The following TGM7 variants were observed in gnomAD, a reference collection of about 807,000 sequenced individuals.
The protein encoded by TGM7 is protein-glutamine gamma-glutamyltransferase Z.
In TGM7, 74 loss-of-function variants were observed where a neutral mutation model predicts 79.5. That is an observed-to-expected ratio of 0.93 (90% CI 0.77 to 1.13). The LOEUF is 1.13. Among genes scored for constraint, TGM7 ranks in the 50% most tolerant of loss-of-function variants. TGM7 has a pLI of 0.00. For missense variants in TGM7, 912 were observed against 905.9 expected, an observed-to-expected ratio of 1.01 and a Z score of -0.09; for synonymous variants, 354 against 362.5, an observed-to-expected ratio of 0.98 and a Z score of 0.27.
chr15:43,287,148 T>C, intron 6 of TGM7, 132 bp downstream of exon 6: 2 of 1,003,134 alleles, frequency 2.0e-6, no homozygotes, highest in South Asian at 1.6e-5. Context: ...TATGGTGTGC[T>C]AGCTCAGGGC....
At chr15:43,287,177 C>T in intron 6 of TGM7, 103 bp downstream of exon 6, 1 of 1,395,882 alleles carries the variant, frequency 7.2e-7, no homozygotes, top group Non-Finnish European at 9.7e-7. Flanking sequence ...CCACCACCCC[C>T]AGCTGTGGGG....
intron 4 of TGM7, among the ~76,000 whole-genome samples, chr15:43,288,298 G>A (rs2142411495): frequency 6.6e-6 from 1 of 152,302 alleles, no homozygotes; most frequent in South Asian, 2.1e-4. Flanking sequence ...GCCACGGTTG[G>A]AGAATGGGGA....
At chr15:43,286,364 C>T (rs2042935769) in intron 6 of TGM7, among the ~76,000 whole-genome samples, 1 of 152,168 alleles carries the variant, frequency 6.6e-6, no homozygotes. Context: ...TAACACCTAC[C>T]TAGCACGGCC....
Position 43,287,339 on chromosome 15 carries a change from C to T in TGM7, c.806G>A (p.Arg269Lys). 1 of 1,614,188 alleles carries T rather than the reference C, an allele frequency of 6.2e-7. No homozygotes were observed. The highest frequency in any genetic ancestry group is 1.1e-5 in the South Asian group (1 of 91,078). Residue 269 changes from arginine (R) to lysine (K), a missense_variant, in exon 6 of 13, where the codon AGG becomes AAG. Coordinates refer to ENST00000452443, the MANE Select transcript of TGM7 (RefSeq NM_052955.3). ...SVAILQQWSA[R>K]GGQPVKYGQC... ...TCCGTACTTCACAGGCTGCCCGCCC[C>T]TGGCTGACCACTGCTGTAGGATGGC...
chr15:43,288,800 C>T (rs1202729826), intron 4 of TGM7, among the ~76,000 whole-genome samples: 1 of 152,072 alleles, frequency 6.6e-6, no homozygotes, highest in Non-Finnish European at 1.5e-5. Flanking sequence ...CATTATGGCT[C>T]GCACCTGTAG....
At chr15:43,301,902 T>G (rs2043027109) in intron 1 of TGM7, among the ~76,000 whole-genome samples, 1 of 152,184 alleles carries the variant, frequency 6.6e-6, no homozygotes, top group South Asian at 2.1e-4. Context: ...GCTTCAGAGT[T>G]GGCCATAGAA....
At chr15:43,293,351 G>A (rs908953329) in intron 2 of TGM7, 98 bp downstream of exon 2, 2 of 1,419,054 alleles carry the variant, frequency 1.4e-6, no homozygotes, top group Non-Finnish European at 1.9e-6. Flanking sequence ...GAAAGTGGAG[G>A]GCAGCTCAGG....
intron 1 of TGM7, among the ~76,000 whole-genome samples, chr15:43,300,707 A>G (rs1022325886): frequency 6.6e-6 from 1 of 152,202 alleles, no homozygotes; most frequent in Admixed American, 6.5e-5. Context: ...AGGCTGAGGC[A>G]GGAGAATGGC....
chr15:43,280,005 G>T, intron 9 of TGM7, 54 bp from the exon 10 acceptor site: 1 of 1,549,942 alleles, frequency 6.5e-7, no homozygotes, highest in East Asian at 2.3e-5. Context: ...GAGAGGACCA[G>T]TGACTTTCCT....
Position 43,281,922 on chromosome 15 carries a change from T to C in TGM7, c.1273A>G (p.Ile425Val). 1.2e-6 allele frequency: 2 copies of C among 1,614,222 alleles called. No individual in the cohort carries two copies. Among genetic ancestry groups the C allele is most frequent in the Non-Finnish European group, 1.7e-6 (2 of 1,180,034 alleles). Residue 425 changes from isoleucine to valine, a missense_variant, in exon 9 of 13, where the codon ATC (isoleucine) becomes GTC (valine). Coordinates refer to ENST00000452443, the MANE Select transcript of TGM7 (RefSeq NM_052955.3). ...ATCTTAGTGCTGATCTCCTTCCCGA[T>C]GGAACTGGTGTTGTGGGCCAGGATT... ...QEILAHNTSS[I>V]GKEISTKMVG...
intron 7 of TGM7, among the ~76,000 whole-genome samples, chr15:43,284,317 T>C (rs1303375909): frequency 6.7e-6 from 1 of 149,310 alleles, no homozygotes; most frequent in Non-Finnish European, 1.5e-5. Context: ...AAGCCAGAGA[T>C]ACACAAATAA....
intron 2 of TGM7, 42 bp from the exon 3 acceptor site, chr15:43,292,996 C>G (rs2042971818): frequency 6.2e-7 from 1 of 1,606,098 alleles, no homozygotes; most frequent in Non-Finnish European, 8.5e-7. Context: ...CTCAAAAAAC[C>G]TGTATGGTAT....
rs761724157 is a variant in TGM7 at position 43,276,889 on chromosome 15, C to A, written c.1946G>T (p.Gly649Val). 7 of 1,614,162 alleles carry A rather than the reference C, an allele frequency of 4.3e-6. No individual in the cohort carries two copies. In the South Asian group the frequency reaches 7.7e-5, roughly 18 times the overall value. Residue 649 changes from glycine to valine, a missense_variant, in exon 12 of 13, where the codon GGC (glycine) becomes GTC (valine). Gly to Val is a moderately radical substitution (Grantham distance 109). Coordinates refer to ENST00000452443, the MANE Select transcript of TGM7 (RefSeq NM_052955.3). ...SSCTMVLEGSGLINGQIAKDL... is the reference protein window; with the variant it reads ...SSCTMVLEGSVLINGQIAKDL... ...CTTTGCTATCTGCCCATTGATGAGGCCGCTTCCTTCCAGCACCATCGTGCA... is the reference window on the plus strand; with the variant it reads ...CTTTGCTATCTGCCCATTGATGAGGACGCTTCCTTCCAGCACCATCGTGCA...
At chr15:43,290,640 A>G (rs1173264530) in intron 4 of TGM7, among the ~76,000 whole-genome samples, 1 of 152,206 alleles carries the variant, frequency 6.6e-6, no homozygotes, top group Non-Finnish European at 1.5e-5. Flanking sequence ...CATTGAATCT[A>G]TAAATTACCT....
intron 1 of TGM7, among the ~76,000 whole-genome samples, chr15:43,297,589 GAAA>G (rs1566847957): frequency 6.0e-5 from 8 of 132,402 alleles, no homozygotes; most frequent in African/African-American, 2.5e-4. Flanking sequence ...TGCATGTATA[GAAA>G]GAAAGAAAGA....
chr15:43,285,022 TG>T, intron 6 of TGM7, 70 bp from the exon 7 acceptor site: 1 of 1,588,202 alleles, frequency 6.3e-7, no homozygotes, highest in Non-Finnish European at 8.6e-7. Flanking sequence ...ATGCATAATT[TG>T]TAACTTTCAA....
chr15:43,293,926 T>C (rs1295301925), intron 1 of TGM7, among the ~76,000 whole-genome samples: 2 of 30,384 alleles, frequency 6.6e-5, no homozygotes, highest in Non-Finnish European at 1.2e-4. Context: ...GGGAGTGGGG[T>C]GTGCGGGGGG....
chr15:43,284,950 T>C lies in TGM7; in HGVS notation c.868A>G (p.Met290Val), dbSNP rs1474232157. 1.9e-6 allele frequency: 3 copies of C among 1,613,986 alleles called. No individual in the cohort carries two copies. The highest frequency in any genetic ancestry group is 3.3e-5 in the Admixed American group (2 of 59,996). Residue 290 changes from methionine to valine, a missense_variant and splice_region_variant, in exon 7 of 13, where the codon ATG (methionine) becomes GTG (valine). Transcript: ENST00000452443. ...WVFASVMCTV[M>V]RCLGVPTRVV... ...CGGGTTGGAACACCTAAGCATCTCA[T>C]TACTAAAGAGAAAAATATAGAGAAT... is the stretch of plus-strand genomic sequence containing the variant.
At position 43,284,849 on chromosome 15, in the gene TGM7, G is replaced by A. The variant is rs1305064331; in HGVS notation, c.969C>T (p.Ala323=). ...LTIDTYYDRN[A]EMLSTQKRDK... ...CTCGTTTCTGAGTTGACAGCATCTCGGCATTTCGGTCATAGTACGTATCGA... is the reference window on the plus strand; with the variant it reads ...CTCGTTTCTGAGTTGACAGCATCTCAGCATTTCGGTCATAGTACGTATCGA... The change falls in exon 7 of 13, where the codon GCC becomes GCT. Residue 323 remains alanine (A), a synonymous_variant. Transcript: ENST00000452443. The A allele has an allele frequency of 1.9e-6, 3 of 1,614,094 alleles. No individual in the cohort carries two copies. The highest frequency in any genetic ancestry group is 2.5e-6 in the Non-Finnish European group (3 of 1,180,024).
Sources: gnomAD v4.1 joint callset for allele counts (sites outside exome capture counted in the v4.1 genomes callset) on GRCh38, gnomAD v4.1.1 for gene constraint, MANE v1.5 for transcripts, NCBI Gene and HGNC (gene_info 2026-07-23, HGNC 2026-07-21) for gene names.